Variants in SASH1 observed in about 807,000 individuals in gnomAD.
SASH1 encodes the protein SAM and SH3 domain-containing protein 1.
Under a neutral mutation model 125.2 loss-of-function variants are expected in SASH1, and 44 were observed. The observed-to-expected ratio is 0.35, with a 90% CI of 0.28 to 0.45. SASH1 has a LOEUF of 0.45. Among genes scored for constraint, SASH1 ranks in the 20% least tolerant of loss-of-function variants. SASH1 has a pLI of 1.00. For missense variants in SASH1, 1,426 were observed against 1,614.5 expected (o/e 0.88, Z 2.00); for synonymous variants, 639 against 649.1 (o/e 0.98, Z 0.24).
chr6:148,194,034 C>T, the SASH1 span, among the ~76,000 whole-genome samples: 1 of 152,274 alleles, frequency 6.6e-6, no homozygotes, highest in South Asian at 2.1e-4. Flanking sequence ...GGTGTGTATA[C>T]ATAAACATGA....
At chr6:148,366,798 G>C (rs1325353562) in intron 1 of SASH1, among the ~76,000 whole-genome samples, 1 of 151,952 alleles carries the variant, frequency 6.6e-6, no homozygotes, top group Non-Finnish European at 1.5e-5. Flanking sequence ...GGGTTTCACC[G>C]TATTGGTCAG....
intron 8 of SASH1, among the ~76,000 whole-genome samples, chr6:148,494,517 T>C (rs1198310080): frequency 6.6e-6 from 1 of 152,036 alleles, no homozygotes; most frequent in African/African-American, 2.4e-5. Context: ...AAGAATGTTA[T>C]ACAGGAGGCT....
intron 2 of SASH1, among the ~76,000 whole-genome samples, chr6:148,417,022 A>G (rs1784847620): frequency 1.3e-5 from 2 of 152,246 alleles, no homozygotes; most frequent in African/African-American, 4.8e-5. Flanking sequence ...AACAGCCCAT[A>G]TTTGTGTGTC....
intron 4 of SASH1, among the ~76,000 whole-genome samples, chr6:148,448,113 A>AGT (rs113367122): frequency 0.65 from 86,215 of 132,676 alleles, 25,248 homozygotes; most frequent in South Asian, 0.73. Flanking sequence ...TGCAGTGGAG[A>AGT]GAGTGTGTGT....
intron 7 of SASH1, among the ~76,000 whole-genome samples, chr6:148,476,215 A>G: frequency 6.6e-6 from 1 of 151,502 alleles, no homozygotes; most frequent in Middle Eastern, 3.2e-3. Flanking sequence ...AAACTCAACC[A>G]AAGAAGTGAA....
chr6:148,199,861 A>AAAGG, the SASH1 span, among the ~76,000 whole-genome samples: 70 of 152,222 alleles, frequency 4.6e-4, no homozygotes, highest in African/African-American at 1.4e-3. Context: ...GAAAGGAAAG[A>AAAGG]AAAGAGAAGG....
chr6:148,339,082 A>C (rs1781249522), upstream of SASH1, among the ~76,000 whole-genome samples: 1 of 151,880 alleles, frequency 6.6e-6, no homozygotes, highest in Admixed American at 6.6e-5. Context: ...GTGACAAGTG[A>C]CATTAACTAA....
intron 1 of SASH1, among the ~76,000 whole-genome samples, chr6:148,383,993 G>T (rs945052222): frequency 1.3e-5 from 2 of 152,134 alleles, no homozygotes; most frequent in Admixed American, 1.3e-4. Flanking sequence ...ATACAAGTTT[G>T]TTGTCCGTTG....
intron 1 of SASH1, among the ~76,000 whole-genome samples, chr6:148,318,917 G>A (rs374398855): frequency 1.3e-5 from 2 of 151,334 alleles, no homozygotes; most frequent in African/African-American, 2.4e-5. Flanking sequence ...TATTTTATAC[G>A]GTTTTAACAA....
chr6:148,232,997 C>T, the SASH1 span, among the ~76,000 whole-genome samples: 1 of 152,030 alleles, frequency 6.6e-6, no homozygotes, highest in Non-Finnish European at 1.5e-5. Context: ...GGGCGGATCA[C>T]CTGAGATCGA....
chr6:148,446,297 A>G (rs1173810693), intron 4 of SASH1, among the ~76,000 whole-genome samples: 2 of 151,362 alleles, frequency 1.3e-5, no homozygotes, highest in Non-Finnish European at 1.5e-5. Flanking sequence ...TTTAGTAGAG[A>G]CGGGGTTTCA....
the SASH1 span, among the ~76,000 whole-genome samples, chr6:148,242,545 G>A: frequency 1.3e-5 from 2 of 152,164 alleles, no homozygotes; most frequent in Non-Finnish European, 2.9e-5. Flanking sequence ...TCTGTTTCAA[G>A]TCCCCTTTCA....
At chr6:148,219,080 CA>C in the SASH1 span, among the ~76,000 whole-genome samples, 11 of 152,182 alleles carry the variant, frequency 7.2e-5, no homozygotes, top group Non-Finnish European at 7.3e-5. Context: ...GTTATAGGAA[CA>C]GTGTTCAAAA....
chr6:148,354,257 G>A (rs368382040), intron 1 of SASH1, among the ~76,000 whole-genome samples: 4 of 152,132 alleles, frequency 2.6e-5, no homozygotes, highest in African/African-American at 9.7e-5. Context: ...ACAAGAAAAT[G>A]CTTGTAATAA....
chr6:148,448,623 A>G (rs1334932218), intron 4 of SASH1, among the ~76,000 whole-genome samples: 1 of 152,090 alleles, frequency 6.6e-6, no homozygotes, highest in Non-Finnish European at 1.5e-5. Context: ...AGTGCACCCC[A>G]GGCTTTTTAC....
intron 1 of SASH1, among the ~76,000 whole-genome samples, chr6:148,294,675 G>A (rs770213135): frequency 3.3e-5 from 5 of 152,280 alleles, no homozygotes; most frequent in South Asian, 4.1e-4. Context: ...CCTGATAAAC[G>A]GCAGTGTGGA....
At chr6:148,535,697 GTCTTA>G (rs776312054) in intron 16 of SASH1, among the ~76,000 whole-genome samples, 1 of 152,124 alleles carries the variant, frequency 6.6e-6, no homozygotes, top group Non-Finnish European at 1.5e-5. Flanking sequence ...CATTAACTCA[GTCTTA>G]TCTTGCTCTG....
At chr6:148,413,765 C>T (rs1784715508) in intron 2 of SASH1, among the ~76,000 whole-genome samples, 1 of 152,138 alleles carries the variant, frequency 6.6e-6, no homozygotes, top group South Asian at 2.1e-4. Flanking sequence ...TCCTTCCTCC[C>T]TCTTCTCCCC....
intron 1 of SASH1, among the ~76,000 whole-genome samples, chr6:148,293,627 T>C (rs571744470): frequency 1.3e-5 from 2 of 152,154 alleles, no homozygotes; most frequent in African/African-American, 4.8e-5. Flanking sequence ...GGAGGGGAAT[T>C]GGAGAAATCT....
Sources: gnomAD v4.1 joint callset for allele counts (sites outside exome capture counted in the v4.1 genomes callset) on GRCh38, gnomAD v4.1.1 for gene constraint, MANE v1.5 for transcripts, NCBI Gene and HGNC (gene_info 2026-07-23, HGNC 2026-07-21) for gene names.